The following C6orf118 variants were observed in gnomAD, a reference collection of about 807,000 sequenced individuals.
The protein encoded by C6orf118 is chromosome 6 open reading frame 118.
C6orf118 carries 50 observed loss-of-function variants against 50.2 expected under a neutral mutation model. The observed-to-expected ratio is 1.00, with a 90% confidence interval of 0.79 to 1.26. The LOEUF (loss-of-function observed/expected upper bound fraction) is 1.26. Ranked by LOEUF, C6orf118 falls within the 50% of genes most tolerant of loss-of-function variation. The pLI, the probability that C6orf118 is intolerant of heterozygous loss-of-function variation, is 0.00. For synonymous variants in C6orf118, 239 were observed against 230.9 expected, an observed-to-expected ratio of 1.03 and a Z score of -0.32; for missense variants, 641 against 578.7, an observed-to-expected ratio of 1.11 and a Z score of -1.10.
chr6:165,295,183 C>T (rs551198626), intron 5 of C6orf118, among the ~76,000 whole-genome samples: 2 of 152,256 alleles, frequency 1.3e-5, no homozygotes, highest in African/African-American at 4.8e-5. Flanking sequence ...ATTATGTTTT[C>T]ATTCAAAACT....
At chr6:165,296,232 T>C (rs1022938288) in intron 5 of C6orf118, among the ~76,000 whole-genome samples, 11 of 150,326 alleles carry the variant, frequency 7.3e-5, no homozygotes, top group Middle Eastern at 6.8e-3. Context: ...GTTGTTGTTG[T>C]TGTTGTTTTC....
In C6orf118 at chr6:165,301,804, C is replaced by T. The variant is rs1780552375; in HGVS notation, c.518G>A (p.Arg173Lys). Residue 173 changes from arginine to lysine, a missense_variant, in exon 2 of 9, where the codon AGG becomes AAG. By Grantham distance (26) the Arg-to-Lys change is conservative. Coordinates refer to ENST00000230301, the MANE Select transcript of C6orf118 (RefSeq NM_144980.4). Reference protein sequence around the residue: ...PPGRGPPGWRRREELRLPDLK... With the variant: ...PPGRGPPGWRKREELRLPDLK... ...GTCGGGCAGCCGGAGTTCTTCCCTC[C>T]TGCGCCATCCAGGAGGGCCCCGTCC... 9.9e-6 allele frequency: 16 copies of T among 1,613,950 alleles called. No homozygotes were observed. Among genetic ancestry groups the T allele is most frequent in the Non-Finnish European group, 1.3e-5 (15 of 1,179,944 alleles).
In C6orf118 at chr6:165,294,555, TAAGA is replaced by T. The variant is rs1386315728; in HGVS notation, c.1062-1088_1062-1085del. On this transcript the variant is annotated intron_variant, in intron 5 of 8. Coordinates refer to ENST00000230301, the MANE Select transcript of C6orf118 (RefSeq NM_144980.4). ...CATGTTAGTTCTTTTCATCACAGAT[TAAGA>T]GAGAAATAGGGTGGTTATTATGACC... Among the ~76,000 whole-genome samples the T allele has an allele frequency of 2.0e-5, 3 of 152,082 alleles. No homozygotes were observed. In the East Asian group the frequency reaches 5.8e-4, roughly 29 times the overall value.
intron 7 of C6orf118, 55 bp downstream of exon 7, chr6:165,289,831 C>T (rs1780042784): frequency 3.1e-6 from 4 of 1,278,130 alleles, no homozygotes; most frequent in Non-Finnish European, 4.2e-6. Context: ...CATGTGTTTG[C>T]CAAGGTCTTC....
At chr6:165,300,687 T>C (rs907196979) in intron 2 of C6orf118, among the ~76,000 whole-genome samples, 1 of 151,850 alleles carries the variant, frequency 6.6e-6, no homozygotes, top group Non-Finnish European at 1.5e-5. Context: ...AGATGTGGGA[T>C]TTTTTTAAAA....
chr6:165,308,721 G>C (rs1780834849), intron 1 of C6orf118, among the ~76,000 whole-genome samples: 1 of 152,170 alleles, frequency 6.6e-6, no homozygotes, highest in Non-Finnish European at 1.5e-5. Context: ...AACAGCCCAG[G>C]AGGTAGGCGC....
chr6:165,302,357 G>A (rs1305657910), intron 1 of C6orf118, 61 bp from the exon 2 acceptor site: 26 of 1,556,984 alleles, frequency 1.7e-5, no homozygotes, highest in Non-Finnish European at 1.1e-5. Context: ...TAAGTCAGCT[G>A]GTGCACTGGC....
intron 1 of C6orf118, among the ~76,000 whole-genome samples, chr6:165,307,589 C>A (rs1780790248): frequency 6.6e-6 from 1 of 151,986 alleles, no homozygotes; most frequent in African/African-American, 2.4e-5. Context: ...ATCACTGTCC[C>A]ATGTTGTCAG....
rs560496313 is a variant in C6orf118, at chr6:165,301,465, C to G, written c.753+104G>C. 4.1e-6 allele frequency: 6 copies of G among 1,451,224 alleles called. No homozygotes were observed. In the Admixed American group the frequency reaches 1.3e-4, roughly 32 times the overall value. The allele number at this position is 1,451,224 out of a possible 1,614,324, so 89.9% of individuals were successfully genotyped here. A position where few individuals can be genotyped will look rare whatever the true frequency, so the allele number is the denominator to read the frequency against. On this transcript the variant is annotated intron_variant, in intron 2 of 8. Transcript: ENST00000230301. ...GCCCCAAGAGCTATGCCCCGGAGCT[C>G]TGCCCCGAGAGGTTTGCCCCAGAGC...
At chr6:165,307,040 T>C (rs1313941082) in intron 1 of C6orf118, among the ~76,000 whole-genome samples, 1 of 152,118 alleles carries the variant, frequency 6.6e-6, no homozygotes, top group African/African-American at 2.4e-5. Context: ...GAAAACAAAT[T>C]TGCTGTCAGT....
chr6:165,299,355 C>T, intron 4 of C6orf118, 88 bp downstream of exon 4: 1 of 1,212,422 alleles, frequency 8.2e-7, no homozygotes, highest in Non-Finnish European at 1.2e-6. Context: ...CATGGGGCTT[C>T]TTGGATTCAG....
chr6:165,303,155 T>A (rs975005385), intron 1 of C6orf118, among the ~76,000 whole-genome samples: 1 of 152,272 alleles, frequency 6.6e-6, no homozygotes, highest in East Asian at 1.9e-4. Flanking sequence ...CCTCTGTCCA[T>A]TGAGAAGCAA....
At position 165,280,238 on chromosome 6, in the gene C6orf118, C is replaced by T. The variant is rs1038718345; in HGVS notation, c.1357-128G>A. 6 of 654,422 alleles carry T rather than the reference C, an allele frequency of 9.2e-6. No homozygotes were observed. The South Asian group carries it at 1.2e-4, about 13-fold the overall frequency. The allele number at this position is 654,422 out of a possible 1,614,324, so 40.5% of individuals were successfully genotyped here. A position where few individuals can be genotyped will look rare whatever the true frequency, so the allele number is the denominator to read the frequency against. ...AACAGACAAGATGAGACTTTGTAAT[C>T]ATTTACTTTTTTAAAACAGATATTT... is the stretch of plus-strand genomic sequence containing the variant. On this transcript the variant is annotated intron_variant, in intron 8 of 8. Coordinates refer to ENST00000230301, the MANE Select transcript of C6orf118 (RefSeq NM_144980.4).
intron 5 of C6orf118, among the ~76,000 whole-genome samples, chr6:165,297,513 T>G (rs1225645816): frequency 6.6e-6 from 1 of 152,212 alleles, no homozygotes; most frequent in African/African-American, 2.4e-5. Context: ...TCTTGTTTCA[T>G]GCTCTTGAAG....
At chr6:165,283,622 CA>C (rs1779807393) in intron 7 of C6orf118, among the ~76,000 whole-genome samples, 1 of 152,178 alleles carries the variant, frequency 6.6e-6, no homozygotes, top group Non-Finnish European at 1.5e-5. Context: ...AAGGAGTCGG[CA>C]GCAATCTTTG....
chr6:165,284,755 C>A (rs770528071), intron 7 of C6orf118, among the ~76,000 whole-genome samples: 1 of 152,128 alleles, frequency 6.6e-6, no homozygotes, highest in Non-Finnish European at 1.5e-5. Flanking sequence ...AAATAAAATC[C>A]TTTTCAGACA....
intron 8 of C6orf118, 107 bp from the exon 9 acceptor site, chr6:165,280,217 G>A (rs1191581166): frequency 1.4e-6 from 1 of 704,380 alleles, no homozygotes; most frequent in Admixed American, 3.1e-5. Context: ...CCCAAAAACA[G>A]ACAAGATGAG....
At chr6:165,296,257 T>G (rs1449614402) in intron 5 of C6orf118, among the ~76,000 whole-genome samples, 8,319 of 139,136 alleles carry the variant, frequency 0.06, 360 homozygotes, top group Non-Finnish European at 0.089. Flanking sequence ...TTTGTTTTTT[T>G]TTTTTTTTTT....
chr6:165,301,512 C>T, intron 2 of C6orf118, 57 bp downstream of exon 2: 5 of 1,550,112 alleles, frequency 3.2e-6, no homozygotes, highest in African/African-American at 2.7e-5. Flanking sequence ...AGCACTGCAC[C>T]GAGAGCTATG....
Sources: allele counts gnomAD v4.1 joint callset (sites outside exome capture counted in the v4.1 genomes callset), GRCh38; gene constraint gnomAD v4.1.1; transcripts MANE v1.5; gene names NCBI Gene and HGNC (gene_info 2026-07-23, HGNC 2026-07-21).